Variants in CFAP43 observed in about 807,000 individuals in gnomAD.
CFAP43 encodes cilia and flagella associated protein 43.
A neutral mutation model predicts 218.9 loss-of-function variants in CFAP43; 155 were observed. That is an observed-to-expected ratio of 0.71 (90% confidence interval 0.62 to 0.81). The LOEUF is 0.81. Among genes scored for constraint, CFAP43 ranks in the 30% least tolerant of loss-of-function variants. The pLI, the probability that CFAP43 is intolerant of heterozygous loss-of-function variation, is 0.00. For missense variants in CFAP43, 1,778 were observed against 1,954.3 expected (o/e 0.91, Z 1.70); for synonymous variants, 645 against 681.3 (o/e 0.95, Z 0.83).
At chr10:104,169,437 T>G (rs950628388) in intron 20 of CFAP43, among the ~76,000 whole-genome samples, 2 of 152,224 alleles carry the variant, frequency 1.3e-5, no homozygotes, top group Non-Finnish European at 2.9e-5. Context: ...TCATACAATC[T>G]GTGTTTTTTT....
chr10:104,192,046 TCTC>T (rs1392966450), intron 12 of CFAP43, among the ~76,000 whole-genome samples, 150 bp downstream of exon 12: 1 of 152,148 alleles, frequency 6.6e-6, no homozygotes. Flanking sequence ...ATGTGAGAAT[TCTC>T]CTAAGTAACT....
chr10:104,193,675 C>A, intron 11 of CFAP43, 191 bp downstream of exon 11: 2 of 666,532 alleles, frequency 3.0e-6, no homozygotes, highest in Non-Finnish European at 4.7e-6. Context: ...CCTGCAAGGA[C>A]AGACCTGGGT....
chr10:104,168,415 C>T (rs1341486918), intron 21 of CFAP43, among the ~76,000 whole-genome samples: 1 of 152,138 alleles, frequency 6.6e-6, no homozygotes, highest in Non-Finnish European at 1.5e-5. Flanking sequence ...AAACATGAAC[C>T]AGATTTCGTC....
At chr10:104,160,826 T>A (rs565178380) in intron 27 of CFAP43, among the ~76,000 whole-genome samples, 1 of 152,298 alleles carries the variant, frequency 6.6e-6, no homozygotes, top group Admixed American at 6.5e-5. Context: ...ATAACAGCTT[T>A]AAAAAAACTA....
intron 7 of CFAP43, among the ~76,000 whole-genome samples, chr10:104,205,697 A>G (rs1224732165): frequency 1.3e-5 from 2 of 152,172 alleles, no homozygotes; most frequent in Non-Finnish European, 2.9e-5. Context: ...GTATTTTTTC[A>G]TTGCGGAAGG....
At chr10:104,232,123 G>T in intron 1 of CFAP43, 59 bp downstream of exon 1, 1 of 1,553,386 alleles carries the variant, frequency 6.4e-7, no homozygotes, top group East Asian at 2.4e-5. Context: ...GGGAGGAGGG[G>T]ACTTGGGGCA....
At chr10:104,154,706 C>T (rs749478660) in intron 27 of CFAP43, among the ~76,000 whole-genome samples, 6 of 152,164 alleles carry the variant, frequency 3.9e-5, no homozygotes, top group Non-Finnish European at 5.9e-5. Context: ...GGTCTCTGGT[C>T]CTGAAAGAAT....
At chr10:104,149,383 T>C (rs1007890447) in intron 28 of CFAP43, among the ~76,000 whole-genome samples, 3 of 152,222 alleles carry the variant, frequency 2.0e-5, no homozygotes, top group Admixed American at 6.5e-5. Flanking sequence ...CACTTATTAA[T>C]TGAAATACTT....
Position 104,142,395 on chromosome 10 carries a change from T to A in CFAP43, c.4159-2A>T. 1 of 1,611,118 alleles carries A rather than the reference T, an allele frequency of 6.2e-7. No homozygotes were observed. The highest frequency in any genetic ancestry group is 8.5e-7 in the Non-Finnish European group (1 of 1,178,452). ...TAAGTCAGCTGCTTTCTGCTTTACC[T>A]AAAGAAACCAAGCCAGAAACATGTC... On this transcript the variant is annotated splice_acceptor_variant, in intron 32 of 37. Coordinates refer to ENST00000357060, the MANE Select transcript of CFAP43 (RefSeq NM_025145.7). LOFTEE classifies it high-confidence loss of function.
intron 20 of CFAP43, among the ~76,000 whole-genome samples, chr10:104,170,429 G>A (rs568704428): frequency 2.0e-5 from 3 of 152,228 alleles, no homozygotes; most frequent in African/African-American, 7.2e-5. Context: ...GTGTCAAGTA[G>A]TTGTATACAG....
chr10:104,223,294 C>CA (rs35026539), intron 3 of CFAP43, among the ~76,000 whole-genome samples: 52 of 148,926 alleles, frequency 3.5e-4, no homozygotes, highest in South Asian at 8.5e-4. Flanking sequence ...ATTTTATGGC[C>CA]AAAAAAAAAT....
chr10:104,161,649 G>C lies in CFAP43; in HGVS notation c.3414+312C>G, dbSNP rs556448259. 9.9e-5 allele frequency among the ~76,000 whole-genome samples: 15 copies of C among 152,190 alleles called. No homozygotes were observed. The South Asian group carries it at 3.1e-3, about 32-fold the overall frequency. ...TAACGTGGTATGTTTTTGGTTTTCT[G>C]AGACAGGGTCTTGCTCTGTCTCTCA... On this transcript the variant is annotated intron_variant, in intron 26 of 37. Coordinates refer to ENST00000357060, the MANE Select transcript of CFAP43 (RefSeq NM_025145.7).
At chr10:104,146,433 G>T in intron 29 of CFAP43, 84 bp from the exon 30 acceptor site, 1 of 968,620 alleles carries the variant, frequency 1.0e-6, no homozygotes, top group Non-Finnish European at 1.7e-6. Context: ...AAAGAGCAAG[G>T]AATTTCCTAG....
chr10:104,153,669 A>C (rs1057306943), intron 27 of CFAP43, among the ~76,000 whole-genome samples: 11 of 152,230 alleles, frequency 7.2e-5, no homozygotes, highest in African/African-American at 2.7e-4. Context: ...CTTCAAACTT[A>C]TAGAAAAGTT....
rs773142013 is a variant in CFAP43 at position 104,164,234 on chromosome 10, ACT to A, written c.3104_3105del (p.Glu1035ValfsTer2). 13 of 1,613,250 alleles carry A rather than the reference ACT, an allele frequency of 8.1e-6. No individual in the cohort carries two copies. Among genetic ancestry groups the A allele is most frequent in the Middle Eastern group, 1.7e-4 (1 of 6,060 alleles). On this transcript the variant is annotated frameshift_variant, in exon 24 of 38. Transcript: ENST00000357060. LOFTEE classifies it high-confidence loss of function. ...NEFDAAYKQK[E>X]FEIARVKERN... ...CTTTCCTTCACGCGTGCAATTTCAAACTCTTTTTGTTTATATGCAGCGTCAAA... is the reference window on the plus strand; with the variant it reads ...CTTTCCTTCACGCGTGCAATTTCAAACTTTTTGTTTATATGCAGCGTCAAA...
intron 3 of CFAP43, among the ~76,000 whole-genome samples, chr10:104,223,352 T>G (rs995822862): frequency 9.2e-5 from 14 of 152,246 alleles, no homozygotes; most frequent in Admixed American, 6.5e-5. Flanking sequence ...TTTGAAACTC[T>G]GACTTAAATA....
chr10:104,208,993 C>A (rs2090776012), intron 5 of CFAP43, among the ~76,000 whole-genome samples: 1 of 152,130 alleles, frequency 6.6e-6, no homozygotes, highest in Non-Finnish European at 1.5e-5. Context: ...ACCCTTCTGG[C>A]ATTAGCTATG....
chr10:104,218,596 G>A (rs1241554490), intron 3 of CFAP43, among the ~76,000 whole-genome samples: 1 of 152,092 alleles, frequency 6.6e-6, no homozygotes, highest in African/African-American at 2.4e-5. Flanking sequence ...CATGTAGTCA[G>A]TGTTGAGAAC....
rs780074336 is a variant in CFAP43 at position 104,207,823 on chromosome 10, G to T, written c.737C>A (p.Pro246Gln). ...AAGCAAAGGATATAGATCATCTTTC[G>T]GCTTCAGGGAGAGAATAAAACCTTG... ...LVGKEAETFR[P>Q]KDDLYPLLHP... Residue 246 changes from proline to glutamine, a missense_variant and splice_region_variant, in exon 6 of 38, where the codon CCG becomes CAG. Around this residue, in one of 3 missense-constraint regions of CFAP43, gnomAD observed 1,553 missense variants for 1,685.2 expected, o/e 0.92. Transcript: ENST00000357060. The T allele has an allele frequency of 1.9e-6, 3 of 1,610,222 alleles. No individual in the cohort carries two copies. Among genetic ancestry groups the T allele is most frequent in the Non-Finnish European group, 2.5e-6 (3 of 1,178,730 alleles).
Sources: allele counts gnomAD v4.1 joint callset (sites outside exome capture counted in the v4.1 genomes callset), GRCh38; gene constraint gnomAD v4.1.1; regional missense constraint gnomAD v4.1.1; transcripts MANE v1.5; gene names NCBI Gene and HGNC (gene_info 2026-07-23, HGNC 2026-07-21).